Variants in MLLT1 observed in about 807,000 individuals in gnomAD.
MLLT1 encodes the protein MLLT1 super elongation complex subunit.
In MLLT1, 11 loss-of-function variants were observed where a neutral mutation model predicts 55.1. The observed-to-expected ratio is 0.20, with a 90% CI of 0.13 to 0.33. The LOEUF is 0.33. Among genes scored for constraint, MLLT1 ranks in the 10% least tolerant of loss-of-function variants. The pLI is 1.00. For synonymous variants in MLLT1, 323 were observed against 320.1 expected (o/e 1.01, Z -0.10); for missense variants, 536 against 760.6 (o/e 0.70, Z 3.47).
At chr19:6,279,089 G>C (rs1034170822) in intron 1 of MLLT1, among the ~76,000 whole-genome samples, 2 of 152,086 alleles carry the variant, frequency 1.3e-5, no homozygotes, top group East Asian at 3.9e-4. Context: ...CTCAGGTCCA[G>C]GTAGGGGATG....
chr19:6,261,080 C>T (rs1404835399), intron 3 of MLLT1, among the ~76,000 whole-genome samples: 1 of 152,190 alleles, frequency 6.6e-6, no homozygotes, highest in Non-Finnish European at 1.5e-5. Context: ...CATACGCTCA[C>T]CGGATACAGC....
intron 2 of MLLT1, among the ~76,000 whole-genome samples, chr19:6,265,721 C>T (rs141848029): frequency 1.1e-4 from 16 of 152,006 alleles, no homozygotes; most frequent in African/African-American, 3.9e-4. Context: ...TGGCTCATGC[C>T]TGTAATCTCA....
At chr19:6,272,306 TCA>T (rs2091402033) in intron 1 of MLLT1, among the ~76,000 whole-genome samples, 1 of 152,096 alleles carries the variant, frequency 6.6e-6, no homozygotes, top group Non-Finnish European at 1.5e-5. Context: ...TCCTGGTATC[TCA>T]GAGTCCCAGA....
chr19:6,213,180 G>C lies in MLLT1; in HGVS notation c.1552-10C>G. On this transcript the variant is annotated splice_polypyrimidine_tract_variant and intron_variant, in intron 11 of 11. Transcript: ENST00000252674. ...CGATCAGATTCACAATCTGTAAGGT[G>C]GTGGCAGGTGGCTTCAGGGGCAGGG... The C allele has an allele frequency of 6.2e-7, 1 of 1,613,926 alleles. No individual in the cohort carries two copies. Among genetic ancestry groups the C allele is most frequent in the Non-Finnish European group, 8.5e-7 (1 of 1,179,842 alleles).
intron 3 of MLLT1, among the ~76,000 whole-genome samples, chr19:6,248,470 C>T (rs1026042678): frequency 3.9e-5 from 6 of 152,272 alleles, no homozygotes; most frequent in Middle Eastern, 3.4e-3. Context: ...AGGTCAACCT[C>T]GGCTGTTAAC....
intron 3 of MLLT1, among the ~76,000 whole-genome samples, chr19:6,260,651 C>T (rs955046285): frequency 3.9e-5 from 6 of 152,240 alleles, no homozygotes; most frequent in Non-Finnish European, 7.3e-5. Flanking sequence ...GGCTGAAGGC[C>T]GTGTCAGGGA....
chr19:6,219,627 CG>C lies in MLLT1; in HGVS notation c.1111-1587del. ...CCAAGGCTAGTCCTCCCTTGACCTC[CG>C]GATGGAATCCCTGGGGCAGAGGGGT... On this transcript the variant is annotated intron_variant, in intron 6 of 11. Coordinates refer to ENST00000252674, the MANE Select transcript of MLLT1 (RefSeq NM_005934.4). This position sits in a 1 kb window ranked among gnomAD's most constrained non-coding sequence, Gnocchi z 4.5. Among the ~76,000 whole-genome samples, 1 of 152,320 alleles carries C rather than the reference CG, an allele frequency of 6.6e-6. No homozygotes were observed. The highest frequency in any genetic ancestry group is 2.1e-4 in the South Asian group (1 of 4,820).
rs576853252 is a variant in MLLT1, at chr19:6,261,305, G to A, written c.276+923C>T. ...CATCTGAAATCGGCCAAGCTGCACC[G>A]GCTGAAACGTCACCCGGCTCCTAGG... On this transcript the variant is annotated intron_variant, in intron 3 of 11. Transcript: ENST00000252674. 5.3e-5 allele frequency among the ~76,000 whole-genome samples: 8 copies of A among 152,320 alleles called. No individual in the cohort carries two copies. The East Asian group carries it at 5.8e-4, about 11-fold the overall frequency.
intron 3 of MLLT1, among the ~76,000 whole-genome samples, chr19:6,248,001 G>C (rs2091183469): frequency 6.6e-6 from 1 of 152,114 alleles, no homozygotes; most frequent in Admixed American, 6.5e-5. Flanking sequence ...AGCAATTCTT[G>C]TGCCTCAGCC....
At chr19:6,215,884 C>A (rs1230211627) in intron 8 of MLLT1, among the ~76,000 whole-genome samples, 2 of 152,302 alleles carry the variant, frequency 1.3e-5, no homozygotes, top group East Asian at 3.9e-4. Flanking sequence ...AAGGGTCCTG[C>A]ATATCCCAAG....
At chr19:6,248,036 G>A (rs1048995667) in intron 3 of MLLT1, among the ~76,000 whole-genome samples, 20 of 152,126 alleles carry the variant, frequency 1.3e-4, no homozygotes, top group African/African-American at 2.4e-4. Context: ...AACTACAGGC[G>A]TGCGCCACCA....
chr19:6,249,753 T>C (rs1237081465), intron 3 of MLLT1, among the ~76,000 whole-genome samples: 1 of 152,066 alleles, frequency 6.6e-6, no homozygotes, highest in African/African-American at 2.4e-5. Context: ...TCAAGCAAAG[T>C]GGCTCGCGCC....
chr19:6,214,513 G>A (rs2090819380), intron 8 of MLLT1, among the ~76,000 whole-genome samples: 1 of 152,114 alleles, frequency 6.6e-6, no homozygotes, highest in Non-Finnish European at 1.5e-5. Flanking sequence ...AGTCACATCG[G>A]CCCCCCTGAC....
In MLLT1 at chr19:6,227,474, A is replaced by G. The variant is rs2090966646; in HGVS notation, c.421-372T>C. 1.3e-5 allele frequency among the ~76,000 whole-genome samples: 2 copies of G among 152,250 alleles called. No individual in the cohort carries two copies. The highest frequency in any genetic ancestry group is 2.1e-4 in the South Asian group (1 of 4,832). On this transcript the variant is annotated intron_variant, in intron 4 of 11. Transcript: ENST00000252674. The surrounding 1 kb of genome is among the most constrained non-coding windows in gnomAD (Gnocchi z 5.1). ...CGCTTAGGTTTAGGGGGAACAGCTC[A>G]GAAGTGTGAGAGGCCAGCCAGATGC... is the stretch of plus-strand genomic sequence containing the variant.
In MLLT1 at chr19:6,230,437, C is replaced by T. The variant is rs1939057081; in HGVS notation, c.420+133G>A. Reference sequence around the variant, plus strand: ...AGCTCCCAGGTCCCCTCCAGCTCTGCTGGGTGCTGCCGTGTGACCTGCGCC... The same window carrying T: ...AGCTCCCAGGTCCCCTCCAGCTCTGTTGGGTGCTGCCGTGTGACCTGCGCC... On this transcript the variant is annotated intron_variant, in intron 4 of 11. Transcript: ENST00000252674. The surrounding 1 kb of genome is among the most constrained non-coding windows in gnomAD (Gnocchi z 9.0). 1 of 1,107,980 alleles carries T rather than the reference C, an allele frequency of 9.0e-7. No individual in the cohort carries two copies. Among genetic ancestry groups the T allele is most frequent in the Admixed American group, 2.7e-5 (1 of 36,534 alleles). The allele number at this position is 1,107,980 out of a possible 1,614,324, so 68.6% of individuals were successfully genotyped here.
intron 6 of MLLT1, among the ~76,000 whole-genome samples, chr19:6,218,725 T>G (rs949937419): frequency 1.3e-5 from 2 of 152,274 alleles, no homozygotes; most frequent in African/African-American, 4.8e-5. Context: ...AGGGTGACAG[T>G]GCAGGGCAGG....
At chr19:6,255,732 C>G (rs560467511) in intron 3 of MLLT1, among the ~76,000 whole-genome samples, 1 of 152,286 alleles carries the variant, frequency 6.6e-6, no homozygotes, top group South Asian at 2.1e-4. Context: ...AGTCAAACCT[C>G]AAGTTCATAT....
chr19:6,233,381 G>A (rs1026246211), intron 3 of MLLT1, among the ~76,000 whole-genome samples: 6 of 152,246 alleles, frequency 3.9e-5, no homozygotes, highest in African/African-American at 1.4e-4. Flanking sequence ...TCCAAGGCCA[G>A]CGGGTGTGGC....
intron 3 of MLLT1, among the ~76,000 whole-genome samples, chr19:6,252,340 C>G (rs535621531): frequency 2.0e-5 from 3 of 152,228 alleles, no homozygotes; most frequent in Non-Finnish European, 4.4e-5. Flanking sequence ...CTCCAGCTTG[C>G]AGGTGGCCTG....
Sources: gnomAD v4.1 joint callset for allele counts (sites outside exome capture counted in the v4.1 genomes callset) on GRCh38, gnomAD v4.1.1 for gene constraint, Gnocchi (gnomAD v3.1) non-coding constraint, MANE v1.5 for transcripts, NCBI Gene and HGNC (gene_info 2026-07-23, HGNC 2026-07-21) for gene names.